Variants in CPED1 observed in about 807,000 individuals in gnomAD.
CPED1 encodes the protein cadherin like and PC-esterase domain containing 1, also known as cadherin-like and PC-esterase domain-containing protein 1.
In CPED1, 114 loss-of-function variants were observed where a neutral mutation model predicts 128.2. The ratio of observed to expected loss-of-function variants is 0.89; its 90% CI spans 0.76 to 1.04. The LOEUF (loss-of-function observed/expected upper bound fraction) is 1.04, where lower values mean the gene tolerates loss of function less well. Among genes scored for constraint, CPED1 ranks in the 50% least tolerant of loss-of-function variants. The pLI is 0.00. For synonymous variants in CPED1, 462 were observed against 426.7 expected, an observed-to-expected ratio of 1.08 and a Z score of -1.02; for missense variants, 1,211 against 1,207.1, an observed-to-expected ratio of 1.00 and a Z score of -0.05.
At position 121,204,841 on chromosome 7, in the gene CPED1, A is replaced by C. The variant is rs368022908; in HGVS notation, c.2056-31873A>C. Among the ~76,000 whole-genome samples the C allele has an allele frequency of 5.3e-5, 8 of 152,258 alleles. No homozygotes were observed. In the East Asian group the frequency reaches 7.7e-4, roughly 15 times the overall value. On this transcript the variant is annotated intron_variant, in intron 16 of 22. Transcript: ENST00000310396. ...GAGGATTATATAGTCCTCTCTGTGC[A>C]ACATGTGTTGAAGCTTTATATAGCT... is the stretch of plus-strand genomic sequence containing the variant.
At chr7:121,200,703 C>T (rs982437367) in intron 16 of CPED1, among the ~76,000 whole-genome samples, 1 of 151,942 alleles carries the variant, frequency 6.6e-6, no homozygotes, top group African/African-American at 2.4e-5. Flanking sequence ...TTGGACCAGG[C>T]ACAATTATCA....
chr7:121,270,114 C>G lies in CPED1; in HGVS notation c.2722-1170C>G, dbSNP rs562969507. Among the ~76,000 whole-genome samples the G allele has an allele frequency of 5.9e-5, 9 of 152,158 alleles. 1 individual carries two copies. The highest frequency in any genetic ancestry group is 5.9e-4 in the Admixed American group (9 of 15,256). On this transcript the variant is annotated intron_variant, in intron 21 of 22. Coordinates refer to ENST00000310396, the MANE Select transcript of CPED1 (RefSeq NM_024913.5). Reference sequence around the variant, plus strand: ...TCATGAAAGGTCCACCCCTATGACCCAAACACCTCCCACTAAGCCTCACCT... The same window carrying G: ...TCATGAAAGGTCCACCCCTATGACCGAAACACCTCCCACTAAGCCTCACCT...
chr7:121,008,002 CT>C (rs982118316), intron 2 of CPED1, among the ~76,000 whole-genome samples: 2 of 151,502 alleles, frequency 1.3e-5, no homozygotes, highest in South Asian at 2.1e-4. Flanking sequence ...TTCTTTACCT[CT>C]TTTTTTTAAC....
At chr7:121,163,143 C>T (rs1796448850) in intron 16 of CPED1, among the ~76,000 whole-genome samples, 1 of 152,184 alleles carries the variant, frequency 6.6e-6, no homozygotes, top group African/African-American at 2.4e-5. Flanking sequence ...CAACTCTCCT[C>T]ATGGACTCCA....
intron 18 of CPED1, among the ~76,000 whole-genome samples, chr7:121,256,256 T>C (rs1791872441): frequency 6.6e-6 from 1 of 151,288 alleles, no homozygotes. Context: ...TGGAACAGAA[T>C]AGAAAACTCA....
chr7:121,270,266 T>C (rs1792206401), intron 21 of CPED1, among the ~76,000 whole-genome samples: 1 of 152,152 alleles, frequency 6.6e-6, no homozygotes, highest in South Asian at 2.1e-4. Flanking sequence ...TTTAAATTAC[T>C]TATGGATTCT....
At chr7:121,118,377 A>G (rs942429362) in intron 7 of CPED1, among the ~76,000 whole-genome samples, 1 of 152,206 alleles carries the variant, frequency 6.6e-6, no homozygotes, top group South Asian at 2.1e-4. Context: ...CCTGGCCAAC[A>G]TGGTGAAACC....
intron 4 of CPED1, among the ~76,000 whole-genome samples, chr7:121,060,970 G>A (rs1272264395): frequency 6.6e-6 from 1 of 151,464 alleles, no homozygotes; most frequent in Non-Finnish European, 1.5e-5. Context: ...AACTCCAGAC[G>A]CGCCACCTTA....
intron 5 of CPED1, among the ~76,000 whole-genome samples, chr7:121,074,385 C>G (rs1292196235): frequency 6.6e-6 from 1 of 152,026 alleles, no homozygotes; most frequent in Non-Finnish European, 1.5e-5. Flanking sequence ...GGGTTAGAAG[C>G]TTTATAAGGA....
intron 2 of CPED1, among the ~76,000 whole-genome samples, chr7:121,014,375 AC>A (rs1204891337): frequency 6.6e-6 from 1 of 152,060 alleles, no homozygotes; most frequent in Non-Finnish European, 1.5e-5. Flanking sequence ...ACAAGGTGAA[AC>A]CCCATCTCTA....
chr7:121,186,623 A>G (rs931307867), intron 16 of CPED1, among the ~76,000 whole-genome samples: 2 of 152,188 alleles, frequency 1.3e-5, no homozygotes, highest in African/African-American at 4.8e-5. Flanking sequence ...TTTATTGAAG[A>G]AAGTCTTTTG....
At chr7:121,170,269 T>C (rs1462749144) in intron 16 of CPED1, among the ~76,000 whole-genome samples, 1 of 152,172 alleles carries the variant, frequency 6.6e-6, no homozygotes, top group Non-Finnish European at 1.5e-5. Context: ...ATACTGGAAT[T>C]TGTGACCTTT....
chr7:121,145,050 A>T (rs917050433), intron 16 of CPED1, among the ~76,000 whole-genome samples: 1 of 121,056 alleles, frequency 8.3e-6, no homozygotes, highest in Non-Finnish European at 1.7e-5. Context: ...TGCTATATAG[A>T]TAGATACAAA....
intron 2 of CPED1, among the ~76,000 whole-genome samples, chr7:121,014,698 G>T (rs527676556): frequency 1.6e-4 from 24 of 152,048 alleles, no homozygotes; most frequent in African/African-American, 5.8e-4. Flanking sequence ...TAATAAAATG[G>T]ACAGGTTGAC....
intron 5 of CPED1, among the ~76,000 whole-genome samples, chr7:121,069,271 G>A (rs1793931625): frequency 6.6e-6 from 1 of 152,100 alleles, no homozygotes; most frequent in Non-Finnish European, 1.5e-5. Flanking sequence ...ATAATTCTGA[G>A]CAAGACTTAA....
Position 121,050,711 on chromosome 7 carries a change from G to T in CPED1, c.540+3718G>T, listed in dbSNP as rs965886113. ...AACTCCTGACCTCAGGTGATCCACC[G>T]CCTCGGCCTCCCAAAGTGCTGGGAT... is the stretch of plus-strand genomic sequence containing the variant. On this transcript the variant is annotated intron_variant, in intron 4 of 22. Coordinates refer to ENST00000310396, the MANE Select transcript of CPED1 (RefSeq NM_024913.5). 111 of 424,330 alleles carry T rather than the reference G, an allele frequency of 2.6e-4. No individual in the cohort carries two copies. The Admixed American group carries it at 2.7e-3, about 10-fold the overall frequency. The allele number at this position is 424,330 out of a possible 1,614,324, so 26.3% of individuals were successfully genotyped here.
At position 121,090,229 on chromosome 7, in the gene CPED1, A is replaced by G. The variant is rs774402239; in HGVS notation, c.617-7470A>G. Among the ~76,000 whole-genome samples the G allele has an allele frequency of 7.2e-4, 109 of 152,226 alleles. 2 individuals are homozygous for G. The highest frequency in any genetic ancestry group is 2.2e-4 in the Non-Finnish European group (15 of 68,040). ...AGTGGTTAGTTGGTGGAAATTTTGT[A>G]CAATGACTACCCCTTTAGAGCACAT... On this transcript the variant is annotated intron_variant, in intron 5 of 22. Coordinates refer to ENST00000310396, the MANE Select transcript of CPED1 (RefSeq NM_024913.5).
At position 120,996,433 on chromosome 7, in the gene CPED1, T is replaced by A. The variant is rs77403227; in HGVS notation, c.249+6563T>A. 4.5e-3 allele frequency among the ~76,000 whole-genome samples: 683 copies of A among 152,348 alleles called. 5 individuals are homozygous for A. Among genetic ancestry groups the A allele is most frequent in the African/African-American group, 0.015 (643 of 41,578 alleles). On this transcript the variant is annotated intron_variant, in intron 2 of 22. Transcript: ENST00000310396. ...ACATTGTTGTGCAAAGTCCAAAATA[T>A]TCTTGCCTTGTTCACAGCCCTTATT...
chr7:121,135,503 A>G lies in CPED1; in HGVS notation c.1649-537A>G, dbSNP rs1392386460. 2.0e-5 allele frequency among the ~76,000 whole-genome samples: 3 copies of G among 152,214 alleles called. No homozygotes were observed. The East Asian group carries it at 5.8e-4, about 29-fold the overall frequency. ...CCAGAATTTGAGAATCACTGGTTCA[A>G]TAGAATGAATCAGTAGGTGCAGTGA... On this transcript the variant is annotated intron_variant, in intron 13 of 22. Coordinates refer to ENST00000310396, the MANE Select transcript of CPED1 (RefSeq NM_024913.5).
Sources: allele counts gnomAD v4.1 joint callset (sites outside exome capture counted in the v4.1 genomes callset), GRCh38; gene constraint gnomAD v4.1.1; transcripts MANE v1.5; gene names NCBI Gene and HGNC (gene_info 2026-07-23, HGNC 2026-07-21).